Variants in PLXNA4 observed in about 807,000 individuals in gnomAD.
PLXNA4 encodes plexin-A4.
PLXNA4 carries 44 observed loss-of-function variants against 191.8 expected under a neutral mutation model. That is an observed-to-expected ratio of 0.23 (90% CI 0.18 to 0.29). PLXNA4 has a LOEUF of 0.29. PLXNA4 is among the 10% of genes least tolerant of loss of function. The pLI is 1.00. For synonymous variants in PLXNA4, 1,082 were observed against 1,009.5 expected (o/e 1.07, Z -1.36); for missense variants, 1,800 against 2,488.8 (o/e 0.72, Z 5.89).
chr7:132,130,351 G>A lies in PLXNA4; in HGVS notation c.*128C>T, dbSNP rs1048093200. ...AAACGGAAAGAGGCAGAGAGAAAGA[G>A]AGAGAAACAGCGCTGCTCAGGGGAT... On this transcript the variant is annotated 3_prime_UTR_variant, in exon 32 of 32. Transcript: ENST00000321063. The A allele has an allele frequency of 9.3e-6, 12 of 1,295,324 alleles. No homozygotes were observed. Among genetic ancestry groups the A allele is most frequent in the African/African-American group, 1.4e-5 (1 of 69,420 alleles). The allele number at this position is 1,295,324 out of a possible 1,614,324, so 80.2% of individuals were successfully genotyped here.
intron 3 of PLXNA4, among the ~76,000 whole-genome samples, chr7:132,403,443 G>C (rs1011244252): frequency 6.6e-6 from 1 of 152,174 alleles, no homozygotes; most frequent in Admixed American, 6.5e-5. Flanking sequence ...GTAACGGGAG[G>C]GGGCCCTAAT....
chr7:132,139,573 G>A (rs536518105), intron 30 of PLXNA4, among the ~76,000 whole-genome samples: 1 of 152,260 alleles, frequency 6.6e-6, no homozygotes, highest in African/African-American at 2.4e-5. Flanking sequence ...ATGAGCTGGG[G>A]GTGACAAAGC....
chr7:132,377,207 G>A (rs1339193829), intron 3 of PLXNA4, among the ~76,000 whole-genome samples: 1 of 152,006 alleles, frequency 6.6e-6, no homozygotes, highest in Non-Finnish European at 1.5e-5. Flanking sequence ...CTGGGACCCA[G>A]TTGGAAAAAA....
intron 3 of PLXNA4, among the ~76,000 whole-genome samples, chr7:132,483,121 G>A (rs562129916): frequency 6.6e-5 from 10 of 152,350 alleles, no homozygotes; most frequent in South Asian, 2.1e-4. Flanking sequence ...CTAAGAACAA[G>A]TATGGACTTT....
rs979016396 is a variant in PLXNA4 at position 132,125,555 on chromosome 7, T to TACAA, written c.*4920_*4923dup. On this transcript the variant is annotated 3_prime_UTR_variant, in exon 32 of 32. Transcript: ENST00000321063. ...TTCTTACTTTCGAACTATTAAGATA[T>TACAA]ACAAACAAAAACCAAACAACTCCAA... 6.6e-6 allele frequency: 1 copy of TACAA among 151,308 alleles called. No homozygotes were observed. The highest frequency in any genetic ancestry group is 2.4e-5 in the African/African-American group (1 of 41,280). The allele number at this position is 151,308 out of a possible 1,614,324, so 9.4% of individuals were successfully genotyped here.
At position 132,181,630 on chromosome 7, in the gene PLXNA4, G is replaced by A. The variant is rs746448751; in HGVS notation, c.3253-10C>T. On this transcript the variant is annotated splice_polypyrimidine_tract_variant and intron_variant, in intron 17 of 31. Transcript: ENST00000321063. Reference sequence around the variant, plus strand: ...TCAGAACCTCACAGATCTGTGGGAGGAGCCACAGAGTGGAGTCTATGCAGT... The same window carrying A: ...TCAGAACCTCACAGATCTGTGGGAGAAGCCACAGAGTGGAGTCTATGCAGT... The A allele has an allele frequency of 6.2e-7, 1 of 1,613,574 alleles. No individual in the cohort carries two copies. The highest frequency in any genetic ancestry group is 8.5e-7 in the Non-Finnish European group (1 of 1,179,662).
intron 1 of PLXNA4, among the ~76,000 whole-genome samples, chr7:132,519,146 T>G (rs1304447588): frequency 6.6e-6 from 1 of 152,244 alleles, no homozygotes. Context: ...TAAACTTCTT[T>G]CCAGCATCTC....
At chr7:132,396,171 G>A (rs1002541237) in intron 3 of PLXNA4, among the ~76,000 whole-genome samples, 5 of 152,126 alleles carry the variant, frequency 3.3e-5, no homozygotes, top group African/African-American at 1.2e-4. Context: ...CACAATGGAT[G>A]GGCAGAAAGG....
chr7:132,436,408 C>A (rs568466277), intron 3 of PLXNA4, among the ~76,000 whole-genome samples: 1 of 152,314 alleles, frequency 6.6e-6, no homozygotes, highest in African/African-American at 2.4e-5. Context: ...CTTCGCCCAG[C>A]CATCCTGGAG....
intron 3 of PLXNA4, among the ~76,000 whole-genome samples, chr7:132,348,319 A>G (rs1210952070): frequency 6.6e-6 from 1 of 152,186 alleles, no homozygotes; most frequent in African/African-American, 2.4e-5. Context: ...TTTGCCTTAG[A>G]AAGAGGAACC....
Position 132,128,019 on chromosome 7 carries a change from A to C in PLXNA4, c.*2460T>G. 7.0e-6 allele frequency: 1 copy of C among 142,040 alleles called. No individual in the cohort carries two copies. Among genetic ancestry groups the C allele is most frequent in the Non-Finnish European group, 1.5e-5 (1 of 66,306 alleles). 8.8% of individuals were successfully genotyped at this position (142,040 alleles called of 1,614,324 possible). A position where few individuals can be genotyped will look rare whatever the true frequency, so the allele number is the denominator to read the frequency against. ...AAAAAAAAAAAAAAAATCAAAATGC[A>C]CTCACTCATACACACGTTCACACAC... On this transcript the variant is annotated 3_prime_UTR_variant, in exon 32 of 32. Coordinates refer to ENST00000321063, the MANE Select transcript of PLXNA4 (RefSeq NM_020911.2).
Position 132,509,160 on chromosome 7 carries a change from AGAGGGAGGGAGG to A in PLXNA4, c.-86-393_-86-382del, listed in dbSNP as rs530262352. The stretch of plus-strand genomic sequence containing the variant: ...ATCCGCAAAGACTGGCTGGAGGAGA[AGAGGGAGGGAGG>A]GAGGGAGGGAGGGAGGAAGGGCAGG... On this transcript the variant is annotated intron_variant, in intron 1 of 31. Coordinates refer to ENST00000321063, the MANE Select transcript of PLXNA4 (RefSeq NM_020911.2). Among the ~76,000 whole-genome samples, 8 of 124,192 alleles carry A rather than the reference AGAGGGAGGGAGG, an allele frequency of 6.4e-5. No homozygotes were observed. The East Asian group carries it at 2.3e-3, about 35-fold the overall frequency. 81.5% of individuals were successfully genotyped at this position (124,192 alleles called of 152,430 possible).
At chr7:132,458,827 A>T (rs143269654) in intron 3 of PLXNA4, among the ~76,000 whole-genome samples, 29 of 152,026 alleles carry the variant, frequency 1.9e-4, no homozygotes, top group African/African-American at 6.8e-4. Context: ...TACCCAAGAA[A>T]CCCCAGTTTG....
intron 1 of PLXNA4, among the ~76,000 whole-genome samples, chr7:132,531,995 A>T (rs1271620550): frequency 1.3e-5 from 2 of 152,200 alleles, no homozygotes; most frequent in African/African-American, 4.8e-5. Context: ...AGAACCACAA[A>T]AGGGGTTAGT....
At chr7:132,222,889 C>T (rs1303550907) in intron 9 of PLXNA4, among the ~76,000 whole-genome samples, 2 of 152,146 alleles carry the variant, frequency 1.3e-5, no homozygotes, top group Non-Finnish European at 2.9e-5. Context: ...CAACCTGGAC[C>T]GAGCATCAGA....
chr7:132,319,122 ATTCTT>A (rs1259472257), intron 3 of PLXNA4, among the ~76,000 whole-genome samples: 1 of 152,106 alleles, frequency 6.6e-6, no homozygotes, highest in African/African-American at 2.4e-5. Context: ...CCTCTCTTCC[ATTCTT>A]CTCTATTTCC....
chr7:132,209,342 CAG>C (rs535954236), intron 10 of PLXNA4, among the ~76,000 whole-genome samples: 120 of 152,340 alleles, frequency 7.9e-4, no homozygotes, highest in African/African-American at 2.5e-3. Flanking sequence ...CAGCCTTCTG[CAG>C]AGTCAAATGT....
intron 3 of PLXNA4, among the ~76,000 whole-genome samples, chr7:132,379,885 A>T (rs1269623628): frequency 6.6e-6 from 1 of 152,212 alleles, no homozygotes; most frequent in Non-Finnish European, 1.5e-5. Context: ...AGGCTTTTGC[A>T]GTAGGGACCA....
At chr7:132,166,303 A>G in intron 22 of PLXNA4, among the ~76,000 whole-genome samples, 1 of 106,060 alleles carries the variant, frequency 9.4e-6, no homozygotes, top group South Asian at 3.2e-4. Flanking sequence ...TTGCAATGAC[A>G]GAAAGTTCAT....
Sources: gnomAD v4.1 joint callset for allele counts (sites outside exome capture counted in the v4.1 genomes callset) on GRCh38, gnomAD v4.1.1 for gene constraint, MANE v1.5 for transcripts, NCBI Gene and HGNC (gene_info 2026-07-23, HGNC 2026-07-21) for gene names.